Variants in STAU2 observed in about 807,000 individuals in gnomAD.
STAU2 encodes double-stranded RNA-binding protein Staufen homolog 2.
STAU2 carries 20 observed loss-of-function variants against 65.9 expected under a neutral mutation model. The observed-to-expected ratio is 0.30, with a 90% CI of 0.21 to 0.44. The LOEUF is 0.44. Ranked by LOEUF, STAU2 falls within the 20% of genes least tolerant of loss-of-function variation. STAU2 has a pLI of 1.00. For synonymous variants in STAU2, 232 were observed against 233.9 expected (o/e 0.99, Z 0.07); for missense variants, 558 against 683.9 (o/e 0.82, Z 2.05).
At chr8:73,476,160 C>T (rs1820317402) in intron 13 of STAU2, among the ~76,000 whole-genome samples, 1 of 152,140 alleles carries the variant, frequency 6.6e-6, no homozygotes, top group Non-Finnish European at 1.5e-5. Flanking sequence ...TATTCAAGAA[C>T]ATACCTTGTC....
chr8:73,661,262 A>G (rs1816809923), intron 6 of STAU2, among the ~76,000 whole-genome samples: 1 of 152,194 alleles, frequency 6.6e-6, no homozygotes, highest in Non-Finnish European at 1.5e-5. Flanking sequence ...GGCAGAAGCT[A>G]AGCAACTGAA....
chr8:73,434,705 T>A (rs1817565223), intron 13 of STAU2, among the ~76,000 whole-genome samples: 1 of 151,930 alleles, frequency 6.6e-6, no homozygotes, highest in Non-Finnish European at 1.5e-5. Context: ...CTTTCTCTCT[T>A]TTGCTCTCTC....
chr8:73,747,239 C>A (rs888578050), upstream of STAU2: 7 of 935,104 alleles, frequency 7.5e-6, no homozygotes, highest in African/African-American at 6.8e-5. Flanking sequence ...GTCTCCTCGT[C>A]CCCGGCGCGA....
At chr8:73,743,080 C>T (rs188864170) in intron 1 of STAU2, among the ~76,000 whole-genome samples, 27 of 152,242 alleles carry the variant, frequency 1.8e-4, no homozygotes, top group Admixed American at 2.6e-4. Context: ...AAAAGATATA[C>T]GGTCCTTTAA....
Position 73,634,812 on chromosome 8 carries a change from C to T in STAU2, c.411-17361G>A, listed in dbSNP as rs182732042. On this transcript the variant is annotated intron_variant, in intron 6 of 14. Transcript: ENST00000524300. ...CACTCTCTCACCTTCTTAAAGTCTT[C>T]GCTCAAATCTCACCTCTCAGCAAGA... is the stretch of plus-strand genomic sequence containing the variant. Among the ~76,000 whole-genome samples, 138 of 152,322 alleles carry T rather than the reference C, an allele frequency of 9.1e-4. 1 individual carries two copies. The highest frequency in any genetic ancestry group is 3.2e-3 in the African/African-American group (132 of 41,580).
chr8:73,594,783 A>T (rs905539), intron 11 of STAU2, among the ~76,000 whole-genome samples: 2 of 152,102 alleles, frequency 1.3e-5, no homozygotes, highest in Admixed American at 1.3e-4. Flanking sequence ...CCCTAAAGGG[A>T]TAAGTCAGAA....
intron 5 of STAU2, among the ~76,000 whole-genome samples, chr8:73,685,084 T>C (rs1818700294): frequency 6.6e-6 from 1 of 152,166 alleles, no homozygotes; most frequent in Non-Finnish European, 1.5e-5. Context: ...TTGTAAGGGT[T>C]TGGCAAGTTC....
intron 6 of STAU2, among the ~76,000 whole-genome samples, chr8:73,636,288 G>GA (rs1814507070): frequency 1.3e-5 from 2 of 151,610 alleles, no homozygotes; most frequent in African/African-American, 4.8e-5. Context: ...GAGGTGGGGG[G>GA]ATCACCTGAG....
At chr8:73,598,232 T>C (rs1811346578) in intron 10 of STAU2, among the ~76,000 whole-genome samples, 1 of 150,570 alleles carries the variant, frequency 6.6e-6, no homozygotes. Flanking sequence ...AAAACTTTTT[T>C]TTTTTTTTTT....
chr8:73,513,964 T>C (rs1822564397), intron 13 of STAU2, among the ~76,000 whole-genome samples: 1 of 152,176 alleles, frequency 6.6e-6, no homozygotes, highest in African/African-American at 2.4e-5. Flanking sequence ...AGCACTATAG[T>C]TTGTCTATGA....
chr8:73,680,862 G>A (rs1818376194), intron 5 of STAU2, among the ~76,000 whole-genome samples: 1 of 151,752 alleles, frequency 6.6e-6, no homozygotes, highest in Non-Finnish European at 1.5e-5. Flanking sequence ...GCAGAAGAAA[G>A]AACTTCAGAG....
intron 3 of STAU2, among the ~76,000 whole-genome samples, chr8:73,715,066 G>A (rs1354378832): frequency 1.4e-5 from 2 of 142,202 alleles, no homozygotes; most frequent in East Asian, 2.1e-4. Context: ...CTAAGCAACA[G>A]AGCGAGACTC....
At chr8:73,702,303 GATT>G (rs1820167477) in intron 4 of STAU2, among the ~76,000 whole-genome samples, 1 of 152,106 alleles carries the variant, frequency 6.6e-6, no homozygotes, top group South Asian at 2.1e-4. Flanking sequence ...TCCATTATGT[GATT>G]ATTATGCATT....
At chr8:73,634,500 C>A (rs1191174654) in intron 6 of STAU2, among the ~76,000 whole-genome samples, 1 of 152,126 alleles carries the variant, frequency 6.6e-6, no homozygotes, top group African/African-American at 2.4e-5. Flanking sequence ...TGCACTCCAG[C>A]CTGGCAACAG....
intron 6 of STAU2, among the ~76,000 whole-genome samples, chr8:73,641,658 G>A (rs991295198): frequency 2.0e-5 from 3 of 152,280 alleles, no homozygotes; most frequent in Non-Finnish European, 4.4e-5. Context: ...TACTTAAGCA[G>A]ATCATAAATT....
chr8:73,432,688 C>A (rs1000798121), intron 13 of STAU2, among the ~76,000 whole-genome samples: 6 of 152,144 alleles, frequency 3.9e-5, no homozygotes, highest in Non-Finnish European at 8.8e-5. Context: ...CTTGAGTTAA[C>A]CCACTTGCTG....
At chr8:73,561,405 G>GAGC (rs1808217405) in intron 12 of STAU2, 1 of 348,102 alleles carries the variant, frequency 2.9e-6, no homozygotes, top group African/African-American at 2.2e-5. Flanking sequence ...TGATGTTTGA[G>GAGC]AGCACCTTGT....
At chr8:73,499,816 G>A (rs1255255040) in intron 13 of STAU2, among the ~76,000 whole-genome samples, 1 of 151,838 alleles carries the variant, frequency 6.6e-6, no homozygotes, top group African/African-American at 2.4e-5. Flanking sequence ...AGAAACCAGT[G>A]AGAAAACAAG....
At chr8:73,744,292 A>G (rs549614457) in intron 1 of STAU2, among the ~76,000 whole-genome samples, 80 of 152,258 alleles carry the variant, frequency 5.3e-4, no homozygotes, top group African/African-American at 1.8e-3. Flanking sequence ...TACCTATAAG[A>G]GGCACAAATA....
Sources: gnomAD v4.1 joint callset for allele counts (sites outside exome capture counted in the v4.1 genomes callset) on GRCh38, gnomAD v4.1.1 for gene constraint, MANE v1.5 for transcripts, NCBI Gene and HGNC (gene_info 2026-07-23, HGNC 2026-07-21) for gene names.